PTPN13: variants seen among roughly 807,000 people sequenced by gnomAD.
PTPN13 encodes tyrosine-protein phosphatase non-receptor type 13.
A neutral mutation model predicts 284.0 loss-of-function variants in PTPN13; 191 were observed. That is an observed-to-expected ratio of 0.67 (90% CI 0.60 to 0.76). The LOEUF is 0.76. Ranked by LOEUF, PTPN13 falls within the 30% of genes least tolerant of loss-of-function variation. The probability of loss-of-function intolerance (pLI) is 0.00; values close to 1 mark genes in which losing one functional copy is unlikely to be tolerated. For missense variants in PTPN13, 2,797 were observed against 2,939.9 expected (o/e 0.95, Z 1.12); for synonymous variants, 986 against 1,022.3 (o/e 0.96, Z 0.68).
intron 1 of PTPN13, among the ~76,000 whole-genome samples, chr4:86,601,644 T>G (rs1393255596): frequency 6.6e-6 from 1 of 152,198 alleles, no homozygotes; most frequent in Non-Finnish European, 1.5e-5. Flanking sequence ...CTGAATCTTT[T>G]TCAGGTTTAT....
At chr4:86,731,542 A>G (rs769909742) in intron 10 of PTPN13, among the ~76,000 whole-genome samples, 6 of 152,206 alleles carry the variant, frequency 3.9e-5, no homozygotes, top group African/African-American at 9.6e-5. Flanking sequence ...CGAAAAGTAC[A>G]GTGTCATAGG....
chr4:86,757,873 T>A (rs1002919871), intron 20 of PTPN13, among the ~76,000 whole-genome samples: 2 of 152,148 alleles, frequency 1.3e-5, no homozygotes, highest in African/African-American at 4.8e-5. Context: ...AGGAATTTTT[T>A]AATATATTAA....
At chr4:86,615,751 T>G (rs1196316557) in intron 1 of PTPN13, among the ~76,000 whole-genome samples, 1 of 152,142 alleles carries the variant, frequency 6.6e-6, no homozygotes, top group African/African-American at 2.4e-5. Context: ...CAATTTTAAC[T>G]CATTGGTCTC....
At chr4:86,731,884 C>A (rs978583998) in intron 10 of PTPN13, among the ~76,000 whole-genome samples, 1 of 152,170 alleles carries the variant, frequency 6.6e-6, no homozygotes. Flanking sequence ...TCAAGCGATC[C>A]TCCTGCCTTA....
At position 86,716,363 on chromosome 4, in the gene PTPN13, A is replaced by G. The variant is rs116465410; in HGVS notation, c.1196-167A>G. ...TCCAGAGTCCGTGCTCATAACCAGT[A>G]TACTAAACCCATTATTGGAACGCAT... On this transcript the variant is annotated intron_variant, in intron 7 of 47. Coordinates refer to ENST00000411767, the MANE Select transcript of PTPN13 (RefSeq NM_080683.3). Among the ~76,000 whole-genome samples the G allele has an allele frequency of 9.6e-3, 1,459 of 152,302 alleles. 34 individuals are homozygous for G. Among genetic ancestry groups the G allele is most frequent in the African/African-American group, 0.034 (1,399 of 41,546 alleles).
intron 2 of PTPN13, among the ~76,000 whole-genome samples, chr4:86,658,463 G>T (rs1341241120): frequency 6.6e-6 from 1 of 152,150 alleles, no homozygotes; most frequent in African/African-American, 2.4e-5. Flanking sequence ...ATGGATGGTT[G>T]TTCAATTTAG....
chr4:86,694,958 A>G (rs1350042590), intron 6 of PTPN13, among the ~76,000 whole-genome samples: 1 of 152,018 alleles, frequency 6.6e-6, no homozygotes, highest in Non-Finnish European at 1.5e-5. Context: ...CTTAAAACCT[A>G]TGAGCAACTC....
In PTPN13 at chr4:86,774,377, T is replaced by C. The variant is rs1740361086; in HGVS notation, c.5354T>C (p.Val1785Ala). 1 of 1,604,468 alleles carries C rather than the reference T, an allele frequency of 6.2e-7. No individual in the cohort carries two copies. The highest frequency in any genetic ancestry group is 8.5e-7 in the Non-Finnish European group (1 of 1,175,268). The change falls in exon 33 of 48, where the codon GTA becomes GCA. Residue 1785 changes from valine (V) to alanine (A), a missense_variant. Val to Ala is a moderately conservative substitution (Grantham distance 64). Transcript: ENST00000411767. ...ATTACTGCTTTTTTCCCTTAGGAAGTAGAACTCCTCATTACCCTAATTAAA... is the reference window on the plus strand; with the variant it reads ...ATTACTGCTTTTTTCCCTTAGGAAGCAGAACTCCTCATTACCCTAATTAAA... ...ENHLEDFELE[V>A]ELLITLIKSE...
Position 86,785,911 on chromosome 4 carries a change from C to T in PTPN13, c.6320C>T (p.Ser2107Leu). The T allele has an allele frequency of 6.4e-7, 1 of 1,557,864 alleles. No individual in the cohort carries two copies. The highest frequency in any genetic ancestry group is 8.7e-7 in the Non-Finnish European group (1 of 1,148,932). ...ACAGAAGATACAGACTGCGATGGTT[C>T]ACCTTTACCTGAGTATTTTACTGAG... is the stretch of plus-strand genomic sequence containing the variant. ...ERTEDTDCDG[S>L]PLPEYFTEAT... Residue 2107 changes from serine to leucine, a missense_variant, in exon 40 of 48, where the codon TCA becomes TTA. Coordinates refer to ENST00000411767, the MANE Select transcript of PTPN13 (RefSeq NM_080683.3).
intron 20 of PTPN13, among the ~76,000 whole-genome samples, chr4:86,753,973 A>G (rs1421149892): frequency 1.3e-5 from 2 of 152,080 alleles, no homozygotes; most frequent in Admixed American, 1.3e-4. Context: ...AAGGCATAAG[A>G]CTGAACTATA....
chr4:86,667,336 C>T (rs1288288580), intron 2 of PTPN13, among the ~76,000 whole-genome samples: 2 of 152,036 alleles, frequency 1.3e-5, no homozygotes, highest in African/African-American at 4.8e-5. Context: ...ATATCAATTT[C>T]AATCATTTAC....
intron 36 of PTPN13, among the ~76,000 whole-genome samples, chr4:86,781,368 G>C (rs1741282692): frequency 1.3e-5 from 2 of 152,034 alleles, no homozygotes; most frequent in Non-Finnish European, 1.5e-5. Flanking sequence ...TGATGTTTTA[G>C]CTGTAAGTGA....
chr4:86,648,264 T>C (rs1724667475), intron 2 of PTPN13, among the ~76,000 whole-genome samples: 2 of 152,136 alleles, frequency 1.3e-5, no homozygotes, highest in Admixed American at 1.3e-4. Flanking sequence ...TTCTGAAATA[T>C]GCAATAAATT....
intron 42 of PTPN13, among the ~76,000 whole-genome samples, chr4:86,799,720 A>T (rs1248006793): frequency 6.6e-6 from 1 of 152,056 alleles, no homozygotes; most frequent in Non-Finnish European, 1.5e-5. Flanking sequence ...TATATTCTAA[A>T]ATTCTCAGTG....
chr4:86,760,446 A>G (rs2149241327), intron 23 of PTPN13, among the ~76,000 whole-genome samples: 1 of 152,290 alleles, frequency 6.6e-6, no homozygotes, highest in South Asian at 2.1e-4. Flanking sequence ...AGGGATTTCC[A>G]TCTTACTCAT....
intron 7 of PTPN13, among the ~76,000 whole-genome samples, chr4:86,713,510 T>C (rs1427218409): frequency 6.6e-6 from 1 of 152,110 alleles, no homozygotes; most frequent in East Asian, 1.9e-4. Context: ...CATAAGACTT[T>C]CCTGTGGTAG....
In PTPN13 at chr4:86,750,582, T is replaced by TGAGG; in HGVS notation, c.2764_2765insAGGG (p.Val922GlufsTer10). ...CCAGCAGCACCCTCAACAAACTTGC[T>TGAGG]GTTCGACCTTTATCAGTTCAAGCTG... On this transcript the variant is annotated frameshift_variant, in exon 18 of 48. Coordinates refer to ENST00000411767, the MANE Select transcript of PTPN13 (RefSeq NM_080683.3). LOFTEE classifies it high-confidence loss of function. The TGAGG allele has an allele frequency of 6.2e-7, 1 of 1,613,938 alleles. No homozygotes were observed. The highest frequency in any genetic ancestry group is 8.5e-7 in the Non-Finnish European group (1 of 1,179,868).
intron 16 of PTPN13, 29 bp from the exon 17 acceptor site, chr4:86,744,937 A>T (rs779554915): frequency 6.8e-7 from 1 of 1,465,428 alleles, no homozygotes; most frequent in Non-Finnish European, 9.3e-7. Context: ...ACTTACTATA[A>T]TTATGAATAC....
chr4:86,663,234 C>T (rs780123931), intron 2 of PTPN13, among the ~76,000 whole-genome samples: 2 of 152,152 alleles, frequency 1.3e-5, no homozygotes, highest in African/African-American at 2.4e-5. Flanking sequence ...AAGAGAAAAG[C>T]ATACAAATTT....
Sources: gnomAD v4.1 joint callset for allele counts (sites outside exome capture counted in the v4.1 genomes callset) on GRCh38, gnomAD v4.1.1 for gene constraint, MANE v1.5 for transcripts, NCBI Gene and HGNC (gene_info 2026-07-23, HGNC 2026-07-21) for gene names.